The following MFN1 variants were observed in gnomAD, a reference collection of about 807,000 sequenced individuals.
MFN1 encodes the protein mitofusin 1, also known as mitofusin-1.
A neutral mutation model predicts 92.4 loss-of-function variants in MFN1; 65 were observed. The observed-to-expected ratio is 0.70, with a 90% CI of 0.58 to 0.86. MFN1 has a LOEUF of 0.86. MFN1 is among the 40% of genes least tolerant of loss of function. The probability of loss-of-function intolerance (pLI) is 0.00; values close to 1 mark genes in which losing one functional copy is unlikely to be tolerated. For synonymous variants in MFN1, 297 were observed against 300.9 expected (o/e 0.99, Z 0.13); for missense variants, 781 against 868.0 (o/e 0.90, Z 1.26).
chr3:179,394,352 C>G lies in MFN1; in HGVS notation c.*2293C>G, dbSNP rs1006085017. On this transcript the variant is annotated 3_prime_UTR_variant, in exon 18 of 18. Transcript: ENST00000471841. The stretch of plus-strand genomic sequence containing the variant: ...CACTTGTTTTATGTAGTTGTCTGAT[C>G]AATTGTGAAAACATAATGAATGTTG... The G allele has an allele frequency of 6.8e-6, 1 of 146,318 alleles. No homozygotes were observed. The highest frequency in any genetic ancestry group is 1.5e-5 in the Non-Finnish European group (1 of 66,794). 9.1% of individuals were successfully genotyped at this position (146,318 alleles called of 1,614,324 possible).
chr3:179,352,657 A>G (rs1430669601), intron 3 of MFN1, among the ~76,000 whole-genome samples: 2 of 152,212 alleles, frequency 1.3e-5, no homozygotes, highest in Non-Finnish European at 1.5e-5. Context: ...TCTTTTTGCT[A>G]ATAGAAACCC....
intron 16 of MFN1, among the ~76,000 whole-genome samples, chr3:179,389,200 T>C (rs1205756976): frequency 6.6e-6 from 1 of 152,232 alleles, no homozygotes; most frequent in Non-Finnish European, 1.5e-5. Flanking sequence ...TCTGATAGTT[T>C]TAATTTATAT....
At chr3:179,379,534 A>G (rs946275765) in intron 14 of MFN1, among the ~76,000 whole-genome samples, 1 of 152,148 alleles carries the variant, frequency 6.6e-6, no homozygotes, top group Non-Finnish European at 1.5e-5. Flanking sequence ...TTGTATTTTT[A>G]GTAGACATGG....
chr3:179,377,322 T>C, intron 11 of MFN1, 22 bp from the exon 12 acceptor site: 1 of 1,562,378 alleles, frequency 6.4e-7, no homozygotes, highest in South Asian at 1.2e-5. Flanking sequence ...TTATTTTAAC[T>C]CCAAAATTTT....
chr3:179,390,517 G>C (rs934123029), intron 17 of MFN1, among the ~76,000 whole-genome samples: 2 of 152,094 alleles, frequency 1.3e-5, no homozygotes, highest in Non-Finnish European at 2.9e-5. Context: ...GTTTTCATGG[G>C]GGACTATTGA....
At chr3:179,348,334 C>T (rs1712002774) in intron 1 of MFN1, among the ~76,000 whole-genome samples, 1 of 152,166 alleles carries the variant, frequency 6.6e-6, no homozygotes, top group South Asian at 2.1e-4. Flanking sequence ...ACTTATAGTC[C>T]TTGAAGTTTC....
chr3:179,364,585 T>G (rs1206388967), intron 6 of MFN1, among the ~76,000 whole-genome samples, 180 bp downstream of exon 6: 1 of 152,216 alleles, frequency 6.6e-6, no homozygotes, highest in Non-Finnish European at 1.5e-5. Flanking sequence ...TTCTATAGTG[T>G]GTAGTTCCCT....
At position 179,389,846 on chromosome 3, in the gene MFN1, A is replaced by G. The variant is rs376193282; in HGVS notation, c.2013-158A>G. On this transcript the variant is annotated intron_variant, in intron 16 of 17. Coordinates refer to ENST00000471841, the MANE Select transcript of MFN1 (RefSeq NM_033540.3). Reference sequence around the variant, plus strand: ...CTTGAGCCAGGATAAAATGCAGCCCACTAGTGCCATATCTTCCCTCTTATC... The same window carrying G: ...CTTGAGCCAGGATAAAATGCAGCCCGCTAGTGCCATATCTTCCCTCTTATC... Among the ~76,000 whole-genome samples the G allele has an allele frequency of 3.3e-5, 5 of 152,266 alleles. 2 individuals are homozygous for G. Among genetic ancestry groups the G allele is most frequent in the Admixed American group, 6.5e-5 (1 of 15,300 alleles).
intron 14 of MFN1, among the ~76,000 whole-genome samples, chr3:179,379,722 T>G (rs372150029): frequency 2.0e-5 from 3 of 152,310 alleles, no homozygotes; most frequent in African/African-American, 7.2e-5. Context: ...GAAGAGGCAT[T>G]TATTTTTATT....
intron 3 of MFN1, among the ~76,000 whole-genome samples, chr3:179,352,596 T>C (rs1051993969): frequency 2.5e-4 from 38 of 152,236 alleles, no homozygotes; most frequent in African/African-American, 8.9e-4. Context: ...ATAACTGGCG[T>C]TGAACCTCTG....
Position 179,381,962 on chromosome 3 carries a change from G to A in MFN1, c.1662+3148G>A, listed in dbSNP as rs138827979. 0.01 allele frequency among the ~76,000 whole-genome samples: 1,568 copies of A among 152,252 alleles called. 53 individuals carry two copies. The South Asian group carries it at 0.11, about 11-fold the overall frequency. Reference sequence around the variant, plus strand: ...AGGGAAAGCTTATCCTAAAGCTTTCGTCCAATACTGTTGCAGGTGGTGCTA... The same window carrying A: ...AGGGAAAGCTTATCCTAAAGCTTTCATCCAATACTGTTGCAGGTGGTGCTA... On this transcript the variant is annotated intron_variant, in intron 14 of 17. Transcript: ENST00000471841.
intron 16 of MFN1, 71 bp downstream of exon 16, chr3:179,386,700 A>C: frequency 7.4e-7 from 1 of 1,342,406 alleles, no homozygotes; most frequent in South Asian, 1.4e-5. Context: ...GAAAAAGCAC[A>C]AAATAAGTGT....
chr3:179,389,455 T>A (rs1375304374), intron 16 of MFN1, among the ~76,000 whole-genome samples: 1 of 152,066 alleles, frequency 6.6e-6, no homozygotes, highest in Admixed American at 6.6e-5. Flanking sequence ...TAAAATAAAC[T>A]AAGTAAATAT....
chr3:179,392,449 TGGGAATAG>T lies in MFN1; in HGVS notation c.*391_*398del, dbSNP rs1284376649. On this transcript the variant is annotated 3_prime_UTR_variant, in exon 18 of 18. Coordinates refer to ENST00000471841, the MANE Select transcript of MFN1 (RefSeq NM_033540.3). Reference sequence around the variant, plus strand: ...AACTAGTTTTTGATGCTTTCTTTCATGGGAATAGTCACTTTTTTATTTAGTAAATCGCA... The same window carrying T: ...AACTAGTTTTTGATGCTTTCTTTCATTCACTTTTTTATTTAGTAAATCGCA... The T allele has an allele frequency of 1.9e-5, 3 of 157,064 alleles. No homozygotes were observed. The highest frequency in any genetic ancestry group is 2.8e-5 in the Non-Finnish European group (2 of 71,518). The allele number at this position is 157,064 out of a possible 1,614,324, so 9.7% of individuals were successfully genotyped here.
rs772611212 is a variant in MFN1, at chr3:179,347,786, C to G, written c.-32C>G. On this transcript the variant is annotated 5_prime_UTR_variant, in exon 1 of 18. Transcript: ENST00000471841. ...GGCATCTGTGGCCGAGTTGCTGTTG[C>G]CGGGTGATAGTTGGAGCGGAGACTG... 14 of 152,336 alleles carry G rather than the reference C, an allele frequency of 9.2e-5. No homozygotes were observed. The highest frequency in any genetic ancestry group is 3.4e-4 in the African/African-American group (14 of 41,462). 9.4% of individuals were successfully genotyped at this position (152,336 alleles called of 1,614,324 possible).
At chr3:179,362,153 T>C (rs1712604633) in intron 4 of MFN1, among the ~76,000 whole-genome samples, 1 of 152,228 alleles carries the variant, frequency 6.6e-6, no homozygotes, top group Non-Finnish European at 1.5e-5. Flanking sequence ...TAGAATTCTG[T>C]TGCTGGAGTT....
At chr3:179,374,335 A>T (rs191641691) in intron 9 of MFN1, among the ~76,000 whole-genome samples, 78 of 134,420 alleles carry the variant, frequency 5.8e-4, no homozygotes, top group Non-Finnish European at 9.4e-4. Context: ...ATATATATGT[A>T]ATATATATAT....
At chr3:179,349,856 A>G (rs1712074158) in intron 2 of MFN1, among the ~76,000 whole-genome samples, 1 of 150,970 alleles carries the variant, frequency 6.6e-6, no homozygotes, top group African/African-American at 2.4e-5. Context: ...GGTTCTTAAG[A>G]TTATGTACCT....
intron 1 of MFN1, chr3:179,348,081 CTCCTGCG>C (rs1576998230): frequency 1.3e-5 from 2 of 151,960 alleles, no homozygotes; most frequent in East Asian, 3.8e-4. Flanking sequence ...CTGGCCCTGA[CTCCTGCG>C]CCCGGTGTGG....
Sources: gnomAD v4.1 joint callset for allele counts (sites outside exome capture counted in the v4.1 genomes callset) on GRCh38, gnomAD v4.1.1 for gene constraint, MANE v1.5 for transcripts, NCBI Gene and HGNC (gene_info 2026-07-23, HGNC 2026-07-21) for gene names.